Variants in CSPP1 observed in about 807,000 individuals in gnomAD.
The protein encoded by CSPP1 is centrosome and spindle pole-associated protein 1.
CSPP1 carries 126 observed loss-of-function variants against 164.4 expected under a neutral mutation model. That is an observed-to-expected ratio of 0.77 (90% CI 0.66 to 0.89). CSPP1 has a LOEUF of 0.89. Ranked by LOEUF, CSPP1 falls within the 40% of genes least tolerant of loss-of-function variation. The probability of loss-of-function intolerance (pLI) is 0.00; values close to 1 mark genes in which losing one functional copy is unlikely to be tolerated. For missense variants in CSPP1, 1,395 were observed against 1,449.8 expected, an observed-to-expected ratio of 0.96 and a Z score of 0.61; for synonymous variants, 472 against 476.7, an observed-to-expected ratio of 0.99 and a Z score of 0.13.
intron 1 of CSPP1, chr8:67,069,292 A>C (rs1418683657): frequency 6.6e-6 from 1 of 152,230 alleles, no homozygotes; most frequent in African/African-American, 2.4e-5. Flanking sequence ...AGATACAGGA[A>C]AAATTTAGAA....
At chr8:67,158,938 A>T in intron 20 of CSPP1, 53 bp from the exon 21 acceptor site, 1 of 1,390,272 alleles carries the variant, frequency 7.2e-7, no homozygotes, top group Non-Finnish European at 9.8e-7. Context: ...CACATTTTTG[A>T]ATGTACTATA....
intron 5 of CSPP1, 111 bp from the exon 6 acceptor site, chr8:67,093,432 G>A: frequency 3.2e-6 from 2 of 628,274 alleles, no homozygotes; most frequent in Non-Finnish European, 5.6e-6. Flanking sequence ...GCTTGATTCT[G>A]GGTAAGAGTT....
intron 2 of CSPP1, among the ~76,000 whole-genome samples, chr8:67,075,533 T>C (rs1196460412): frequency 6.6e-6 from 1 of 152,182 alleles, no homozygotes; most frequent in Non-Finnish European, 1.5e-5. Flanking sequence ...ATCTATGAGG[T>C]AAGTGCTGTT....
At chr8:67,165,277 C>CTT (rs1195454771) in intron 24 of CSPP1, among the ~76,000 whole-genome samples, 1 of 152,166 alleles carries the variant, frequency 6.6e-6, no homozygotes, top group African/African-American at 2.4e-5. Context: ...GAGTGAGACT[C>CTT]TGTCTCACGA....
intron 15 of CSPP1, among the ~76,000 whole-genome samples, chr8:67,125,159 C>G (rs1002968487): frequency 6.6e-6 from 1 of 152,130 alleles, no homozygotes; most frequent in African/African-American, 2.4e-5. Flanking sequence ...TCTTACAGAA[C>G]AGGTCTCTTA....
intron 24 of CSPP1, among the ~76,000 whole-genome samples, chr8:67,165,624 A>T (rs1829173718): frequency 6.6e-6 from 1 of 152,200 alleles, no homozygotes; most frequent in African/African-American, 2.4e-5. Flanking sequence ...CTCCTCCTCC[A>T]GTCTGGATTT....
At chr8:67,144,019 G>A (rs768204811) in intron 17 of CSPP1, among the ~76,000 whole-genome samples, 1 of 152,184 alleles carries the variant, frequency 6.6e-6, no homozygotes, top group Non-Finnish European at 1.5e-5. Flanking sequence ...TCTTGTCTCT[G>A]ATTTCAGATG....
chr8:67,076,085 C>CA (rs1054757878), intron 2 of CSPP1, among the ~76,000 whole-genome samples: 1 of 144,776 alleles, frequency 6.9e-6, no homozygotes, highest in Non-Finnish European at 1.5e-5. Flanking sequence ...CTTTAATCTG[C>CA]TTTTTTTTTT....
chr8:67,112,057 C>T lies in CSPP1; in HGVS notation c.1179C>T (p.Asn393=). ...AACAAATGGCTGAGCAACAGAGGAA[C>T]AAGAGACGGTAATGAAAGGTTTGCA... The part of the protein sequence containing the change: ...LLEQMAEQQR[N]KRREKDLELR... The change falls in exon 10 of 31, where the codon AAC becomes AAT. Residue 393 remains asparagine (N), a synonymous_variant. Coordinates refer to ENST00000678616, the MANE Select transcript of CSPP1 (RefSeq NM_001382391.1). 1 of 1,607,242 alleles carries T rather than the reference C, an allele frequency of 6.2e-7. No homozygotes were observed. Among genetic ancestry groups the T allele is most frequent in the Non-Finnish European group, 8.5e-7 (1 of 1,175,180 alleles).
chr8:67,086,141 A>G (rs1810348125), intron 4 of CSPP1, 31 bp downstream of exon 4: 2 of 967,672 alleles, frequency 2.1e-6, no homozygotes, highest in South Asian at 2.6e-5. Flanking sequence ...GTTGGGTTTA[A>G]TGTTTCAGAA....
intron 4 of CSPP1, among the ~76,000 whole-genome samples, chr8:67,090,451 A>C (rs557974707): frequency 6.6e-6 from 1 of 151,984 alleles, no homozygotes; most frequent in Non-Finnish European, 1.5e-5. Context: ...AAGCCCGGCT[A>C]ATTTTTTGTG....
At chr8:67,161,556 A>AT (rs1828362355) in intron 21 of CSPP1, among the ~76,000 whole-genome samples, 3 of 151,434 alleles carry the variant, frequency 2.0e-5, no homozygotes, top group Admixed American at 6.6e-5. Context: ...GTGTTTGTTG[A>AT]TTTTTTAAAT....
intron 2 of CSPP1, among the ~76,000 whole-genome samples, chr8:67,076,021 G>C (rs1159470152): frequency 1.3e-5 from 2 of 151,508 alleles, no homozygotes; most frequent in African/African-American, 2.4e-5. Context: ...CTTAGTTCAA[G>C]TATCACCTGC....
chr8:67,132,708 G>A (rs1306488260), intron 16 of CSPP1, among the ~76,000 whole-genome samples: 1 of 152,124 alleles, frequency 6.6e-6, no homozygotes, highest in African/African-American at 2.4e-5. Flanking sequence ...AGAACAGAGG[G>A]TTTGAAGATG....
At position 67,116,337 on chromosome 8, in the gene CSPP1, A is replaced by G. The variant is rs570810342; in HGVS notation, c.1496+215A>G. The stretch of plus-strand genomic sequence containing the variant: ...TTTTATTGTTTAAAGATGATTTTGT[A>G]TCTTTAGAATGAATTACTAAGTACA... On this transcript the variant is annotated intron_variant, in intron 13 of 30. Coordinates refer to ENST00000678616, the MANE Select transcript of CSPP1 (RefSeq NM_001382391.1). Among the ~76,000 whole-genome samples the G allele has an allele frequency of 5.9e-5, 9 of 152,314 alleles. No individual in the cohort carries two copies. The East Asian group carries it at 1.7e-3, about 29-fold the overall frequency.
Position 67,137,481 on chromosome 8 carries a change from A to G in CSPP1, c.1853A>G (p.Lys618Arg). The change falls in exon 17 of 31, where the codon AAG becomes AGG. Residue 618 changes from lysine (K) to arginine (R), a missense_variant. Physicochemically the swap from Lys to Arg is conservative, Grantham distance 26. Coordinates refer to ENST00000678616, the MANE Select transcript of CSPP1 (RefSeq NM_001382391.1). Reference protein sequence around the residue: ...QQIREREERRKKEREEKEEYE... With the variant: ...QQIREREERRRKEREEKEEYE... ...ATTCGGGAAAGAGAAGAAAGAAGGA[A>G]GAAAGAACGTGAAGAAAAAGAAGAA... 1.3e-6 allele frequency: 2 copies of G among 1,538,536 alleles called. No individual in the cohort carries two copies. The highest frequency in any genetic ancestry group is 1.8e-6 in the Non-Finnish European group (2 of 1,127,878).
chr8:67,165,081 G>A (rs538989314), intron 24 of CSPP1, among the ~76,000 whole-genome samples: 1 of 152,240 alleles, frequency 6.6e-6, no homozygotes, highest in African/African-American at 2.4e-5. Flanking sequence ...TCAGGAGATC[G>A]AGACCATCCT....
chr8:67,086,040 A>G lies in CSPP1; in HGVS notation c.233A>G (p.Glu78Gly). Residue 78 changes from glutamate to glycine, a missense_variant, in exon 4 of 31, where the codon GAA (glutamate) becomes GGA (glycine). Coordinates refer to ENST00000678616, the MANE Select transcript of CSPP1 (RefSeq NM_001382391.1). ...TATGGATTAAGTTTACCACTTGGAGAAGACTATGAACGGAAGAAACATAAA... is the reference window on the plus strand; with the variant it reads ...TATGGATTAAGTTTACCACTTGGAGGAGACTATGAACGGAAGAAACATAAA... Reference protein sequence around the residue: ...IDYGLSLPLGEDYERKKHKLK... With the variant: ...IDYGLSLPLGGDYERKKHKLK... 6.6e-7 allele frequency: 1 copy of G among 1,507,094 alleles called. No individual in the cohort carries two copies. The highest frequency in any genetic ancestry group is 1.4e-5 in the African/African-American group (1 of 72,940). The allele number at this position is 1,507,094 out of a possible 1,614,324, so 93.4% of individuals were successfully genotyped here.
intron 4 of CSPP1, among the ~76,000 whole-genome samples, chr8:67,089,020 A>G (rs1255945799): frequency 1.3e-5 from 2 of 152,132 alleles, no homozygotes; most frequent in African/African-American, 4.8e-5. Flanking sequence ...AAAGAAAACT[A>G]CACAGACTAT....
Sources: gnomAD v4.1 joint callset for allele counts (sites outside exome capture counted in the v4.1 genomes callset) on GRCh38, gnomAD v4.1.1 for gene constraint, MANE v1.5 for transcripts, NCBI Gene and HGNC (gene_info 2026-07-23, HGNC 2026-07-21) for gene names.